THRB: variants seen among roughly 807,000 people sequenced by gnomAD.
The protein encoded by THRB is thyroid hormone receptor beta.
Under a neutral mutation model 47.8 loss-of-function variants are expected in THRB, and 12 were observed. The observed-to-expected ratio is 0.25, with a 90% confidence interval of 0.16 to 0.41. The LOEUF (loss-of-function observed/expected upper bound fraction) is 0.41, where lower values mean the gene tolerates loss of function less well. Among genes scored for constraint, THRB ranks in the 10% least tolerant of loss-of-function variants. The pLI, the probability that THRB is intolerant of heterozygous loss-of-function variation, is 1.00. For missense variants in THRB, 348 were observed against 589.2 expected (o/e 0.59, Z 4.24); for synonymous variants, 218 against 212.2 (o/e 1.03, Z -0.24).
intron 1 of THRB, among the ~76,000 whole-genome samples, chr3:24,417,512 A>G (rs1244688479): frequency 6.6e-6 from 1 of 151,944 alleles, no homozygotes; most frequent in African/African-American, 2.4e-5. Context: ...CGATTGATGT[A>G]TGATGACCTT....
chr3:24,380,504 T>C (rs1220222856), intron 1 of THRB, among the ~76,000 whole-genome samples: 2 of 152,122 alleles, frequency 1.3e-5, no homozygotes. Context: ...AGAGAATTCC[T>C]ATCCCTTTCA....
intron 4 of THRB, among the ~76,000 whole-genome samples, chr3:24,212,106 A>G (rs2046090659): frequency 6.6e-6 from 1 of 152,142 alleles, no homozygotes; most frequent in Non-Finnish European, 1.5e-5. Flanking sequence ...TCTACTGAAA[A>G]TACAAAAATT....
chr3:24,308,400 C>A (rs1479238907), intron 2 of THRB, among the ~76,000 whole-genome samples: 6 of 152,112 alleles, frequency 3.9e-5, no homozygotes, highest in Non-Finnish European at 8.8e-5. Context: ...AGTGTCTTTG[C>A]CAAGCCTTGT....
intron 2 of THRB, among the ~76,000 whole-genome samples, chr3:24,330,296 A>C (rs906884866): frequency 1.2e-4 from 18 of 152,040 alleles, no homozygotes; most frequent in African/African-American, 4.3e-4. Context: ...CCTGGGCGAC[A>C]GAGCGAGACT....
In THRB at chr3:24,146,870, A is replaced by C. The variant is rs775652524; in HGVS notation, c.385-48T>G. 7 of 1,581,608 alleles carry C rather than the reference A, an allele frequency of 4.4e-6. No individual in the cohort carries two copies. In the Admixed American group the frequency reaches 6.7e-5, roughly 15 times the overall value. On this transcript the variant is annotated intron_variant, in intron 6 of 10. Coordinates refer to ENST00000646209, the MANE Select transcript of THRB (RefSeq NM_001354712.2). ...AGACAACAGTTTCATATTTTCTTGA[A>C]ATCAGTGATTCTGGAATTTTGTGTC...
intron 5 of THRB, among the ~76,000 whole-genome samples, chr3:24,186,146 A>C (rs2042545426): frequency 6.6e-6 from 1 of 152,146 alleles, no homozygotes; most frequent in African/African-American, 2.4e-5. Context: ...CAAGCTCGTC[A>C]TGATACCCAG....
intron 3 of THRB, among the ~76,000 whole-genome samples, chr3:24,237,695 T>C (rs73144467): frequency 0.02 from 3,035 of 152,238 alleles, 111 homozygotes; most frequent in African/African-American, 0.07. Flanking sequence ...AAAGGTGACA[T>C]TGGGTTAAGT....
intron 6 of THRB, among the ~76,000 whole-genome samples, chr3:24,150,928 A>C (rs1317226416): frequency 6.6e-6 from 1 of 152,184 alleles, no homozygotes; most frequent in Admixed American, 6.5e-5. Flanking sequence ...ATGTAGTTTT[A>C]TTACTTTCAA....
At chr3:24,216,653 T>C (rs539684010) in intron 4 of THRB, among the ~76,000 whole-genome samples, 89 of 152,312 alleles carry the variant, frequency 5.8e-4, no homozygotes, top group Non-Finnish European at 1.1e-3. Flanking sequence ...CTGTGATCTC[T>C]TGACTATGAG....
chr3:24,475,165 T>C (rs1331697857), intron 1 of THRB, among the ~76,000 whole-genome samples: 1 of 152,172 alleles, frequency 6.6e-6, no homozygotes, highest in Non-Finnish European at 1.5e-5. Context: ...GTCTGAAATA[T>C]GATGTAAGGA....
At chr3:24,143,247 C>T (rs1033051577) in intron 8 of THRB, among the ~76,000 whole-genome samples, 2 of 152,172 alleles carry the variant, frequency 1.3e-5, no homozygotes, top group Non-Finnish European at 2.9e-5. Context: ...TAAAAGCAAA[C>T]TGATATAATG....
chr3:24,413,499 A>G (rs2068481866), intron 1 of THRB, among the ~76,000 whole-genome samples: 1 of 151,900 alleles, frequency 6.6e-6, no homozygotes, highest in Non-Finnish European at 1.5e-5. Context: ...ATGCCACTCA[A>G]TAACAGTCTT....
intron 5 of THRB, among the ~76,000 whole-genome samples, chr3:24,181,899 C>T (rs2041941995): frequency 6.6e-6 from 1 of 152,058 alleles, no homozygotes; most frequent in African/African-American, 2.4e-5. Context: ...AGTAAGTTTG[C>T]GTTTTGAAAG....
intron 1 of THRB, among the ~76,000 whole-genome samples, chr3:24,488,557 CT>C (rs34346213): frequency 3.0e-3 from 434 of 145,490 alleles, no homozygotes; most frequent in Non-Finnish European, 2.6e-3. Flanking sequence ...AATTTGCCTT[CT>C]TTTTTTTTTT....
intron 4 of THRB, among the ~76,000 whole-genome samples, chr3:24,201,790 A>ACC (rs2044626468): frequency 1.3e-5 from 2 of 152,158 alleles, no homozygotes; most frequent in Admixed American, 1.3e-4. Flanking sequence ...ATAAAATGGA[A>ACC]AAATCCAAAC....
At chr3:24,173,921 T>C (rs1302170659) in intron 5 of THRB, among the ~76,000 whole-genome samples, 2 of 152,198 alleles carry the variant, frequency 1.3e-5, no homozygotes, top group African/African-American at 4.8e-5. Flanking sequence ...CACATACCAA[T>C]TCTAAACTCA....
chr3:24,191,970 G>C (rs1047292466), intron 4 of THRB, among the ~76,000 whole-genome samples: 2 of 152,178 alleles, frequency 1.3e-5, no homozygotes, highest in Non-Finnish European at 2.9e-5. Context: ...TCAGAGAAGA[G>C]CTCTGAAAAT....
At chr3:24,373,154 G>T (rs1203178519) in intron 1 of THRB, among the ~76,000 whole-genome samples, 2 of 151,964 alleles carry the variant, frequency 1.3e-5, no homozygotes, top group African/African-American at 4.8e-5. Flanking sequence ...TAAAAAAAAA[G>T]TTAGAAAACC....
Position 24,133,327 on chromosome 3 carries a change from T to C in THRB, c.874A>G (p.Met292Val), listed in dbSNP as rs2034157524. The C allele has an allele frequency of 6.2e-7, 1 of 1,614,154 alleles. No homozygotes were observed. Among genetic ancestry groups the C allele is most frequent in the East Asian group, 2.2e-5 (1 of 44,862 alleles). ...AACAACATCCTCACCTCACAAAACATAGGCAACTTTTTGGCAAAATCCACC... is the reference window on the plus strand; with the variant it reads ...AACAACATCCTCACCTCACAAAACACAGGCAACTTTTTGGCAAAATCCACC... Reference protein sequence around the residue: ...RVVDFAKKLPMFCELPCEDQI... With the variant: ...RVVDFAKKLPVFCELPCEDQI... The change falls in exon 9 of 11, where the codon ATG becomes GTG. Residue 292 changes from methionine to valine, a missense_variant. Physicochemically the swap from Met to Val is conservative, Grantham distance 21. Transcript: ENST00000646209.
Sources: allele counts gnomAD v4.1 joint callset (sites outside exome capture counted in the v4.1 genomes callset), GRCh38; gene constraint gnomAD v4.1.1; transcripts MANE v1.5; gene names NCBI Gene and HGNC (gene_info 2026-07-23, HGNC 2026-07-21).